WWOX: variants seen among roughly 807,000 people sequenced by gnomAD.
WWOX encodes the protein WW domain-containing oxidoreductase.
WWOX carries 69 observed loss-of-function variants against 46.2 expected under a neutral mutation model. That is an observed-to-expected ratio of 1.49 (90% CI 1.23 to 1.82). WWOX has a LOEUF of 1.82. WWOX is among the 40% of genes most tolerant of loss of function. The pLI is 0.00. For missense variants in WWOX, 919 were observed against 542.6 expected, an observed-to-expected ratio of 1.69 and a Z score of -6.89; for synonymous variants, 359 against 202.6, an observed-to-expected ratio of 1.77 and a Z score of -6.56.
At chr16:79,013,047 C>T (rs1367475573) in intron 8 of WWOX, among the ~76,000 whole-genome samples, 3 of 152,192 alleles carry the variant, frequency 2.0e-5, no homozygotes, top group South Asian at 2.1e-4. Flanking sequence ...TCAGCCTGAG[C>T]AACAGAGCAA....
intron 5 of WWOX, among the ~76,000 whole-genome samples, chr16:78,332,193 A>G (rs1310018096): frequency 6.6e-6 from 1 of 151,980 alleles, no homozygotes; most frequent in Admixed American, 6.6e-5. Context: ...CTTTTTTGCC[A>G]TCTCTTTTTC....
At chr16:78,362,376 A>G (rs2081429119) in intron 5 of WWOX, among the ~76,000 whole-genome samples, 1 of 152,176 alleles carries the variant, frequency 6.6e-6, no homozygotes, top group African/African-American at 2.4e-5. Context: ...TTGGAAGGCC[A>G]ATGCGGGTGG....
At chr16:78,733,159 C>T (rs888567292) in intron 8 of WWOX, among the ~76,000 whole-genome samples, 22 of 152,132 alleles carry the variant, frequency 1.4e-4, no homozygotes, top group African/African-American at 4.8e-4. Flanking sequence ...TGTTTTTATG[C>T]ACAGCTATTT....
At chr16:78,462,777 CTAGT>C (rs1376014744) in intron 8 of WWOX, among the ~76,000 whole-genome samples, 1 of 152,202 alleles carries the variant, frequency 6.6e-6, no homozygotes, top group Non-Finnish European at 1.5e-5. Context: ...GCCGCCTGGA[CTAGT>C]TACGCTTCCC....
intron 8 of WWOX, among the ~76,000 whole-genome samples, chr16:78,615,334 C>T (rs1422417618): frequency 6.6e-6 from 1 of 152,124 alleles, no homozygotes; most frequent in South Asian, 2.1e-4. Flanking sequence ...GACTCGGTAC[C>T]TGGTGTATAG....
intron 8 of WWOX, among the ~76,000 whole-genome samples, chr16:78,981,077 G>T (rs1398120256): frequency 6.6e-6 from 1 of 152,198 alleles, no homozygotes; most frequent in Admixed American, 6.5e-5. Context: ...ACCCCTGGGA[G>T]CCTCATTCGA....
At chr16:78,195,297 C>A (rs1349818334) in intron 5 of WWOX, among the ~76,000 whole-genome samples, 3 of 152,178 alleles carry the variant, frequency 2.0e-5, no homozygotes, top group Non-Finnish European at 2.9e-5. Context: ...ACAGATGCCT[C>A]CACCTGGCAG....
rs555832697 is a variant in WWOX at position 78,978,962 on chromosome 16, C to G, written c.1057-232646C>G. Among the ~76,000 whole-genome samples, 9 of 152,230 alleles carry G rather than the reference C, an allele frequency of 5.9e-5. No homozygotes were observed. In the South Asian group the frequency reaches 1.9e-3, roughly 32 times the overall value. On this transcript the variant is annotated intron_variant, in intron 8 of 8. Coordinates refer to ENST00000566780, the MANE Select transcript of WWOX (RefSeq NM_016373.4). ...TTTTGATGTCCCTCCCCACTTTACT[C>G]TCCCCTACACCTTGAAGCAGGTGCA...
At chr16:78,675,846 T>C (rs940098213) in intron 8 of WWOX, among the ~76,000 whole-genome samples, 11 of 152,034 alleles carry the variant, frequency 7.2e-5, no homozygotes. Flanking sequence ...TATATTTTTT[T>C]AAATCATGAC....
chr16:78,777,286 G>A (rs548813232), intron 8 of WWOX, among the ~76,000 whole-genome samples: 45 of 152,170 alleles, frequency 3.0e-4, no homozygotes, highest in African/African-American at 1.1e-3. Context: ...CCATCCAACA[G>A]GAATTTGTAC....
intron 6 of WWOX, among the ~76,000 whole-genome samples, chr16:78,401,672 T>A (rs2082416808): frequency 1.3e-5 from 2 of 152,148 alleles, no homozygotes; most frequent in Non-Finnish European, 1.5e-5. Flanking sequence ...TTTTTTTTAA[T>A]TGAGACATAA....
chr16:78,358,818 C>G (rs1228768225), intron 5 of WWOX, among the ~76,000 whole-genome samples: 2 of 144,918 alleles, frequency 1.4e-5, no homozygotes, highest in East Asian at 2.0e-4. Flanking sequence ...CTCTTTCTGA[C>G]TTTTTAAAAT....
In WWOX at chr16:79,086,381, G is replaced by C. The variant is rs560998928; in HGVS notation, c.1057-125227G>C. On this transcript the variant is annotated intron_variant, in intron 8 of 8. Coordinates refer to ENST00000566780, the MANE Select transcript of WWOX (RefSeq NM_016373.4). ...AAAGAAAATGCAAGCTTTGAGATGAGAAAGCGTGTCTTCTGGTATGTTTCT... is the reference window on the plus strand; with the variant it reads ...AAAGAAAATGCAAGCTTTGAGATGACAAAGCGTGTCTTCTGGTATGTTTCT... 2.0e-5 allele frequency among the ~76,000 whole-genome samples: 3 copies of C among 152,314 alleles called. No homozygotes were observed. The South Asian group carries it at 6.2e-4, about 32-fold the overall frequency.
Position 78,558,985 on chromosome 16 carries a change from T to C in WWOX, c.1056+126233T>C, listed in dbSNP as rs542551578. ...TGGCTATTCCAGGCTGTCAGCTCCCTGACTACAAGGACTTTGTTGCTCACA... is the reference window on the plus strand; with the variant it reads ...TGGCTATTCCAGGCTGTCAGCTCCCCGACTACAAGGACTTTGTTGCTCACA... On this transcript the variant is annotated intron_variant, in intron 8 of 8. Transcript: ENST00000566780. Among the ~76,000 whole-genome samples the C allele has an allele frequency of 2.0e-5, 3 of 152,344 alleles. No homozygotes were observed. The East Asian group carries it at 5.8e-4, about 29-fold the overall frequency.
intron 8 of WWOX, among the ~76,000 whole-genome samples, chr16:78,963,169 A>G (rs148472855): frequency 3.0e-3 from 462 of 152,230 alleles, no homozygotes; most frequent in Non-Finnish European, 5.4e-3. Context: ...ATCTTGATTC[A>G]TTTCAAAATA....
intron 8 of WWOX, among the ~76,000 whole-genome samples, chr16:78,583,731 A>G (rs2045121099): frequency 6.6e-6 from 1 of 152,194 alleles, no homozygotes; most frequent in African/African-American, 2.4e-5. Context: ...TTGGTAATCT[A>G]GAGGGTTTTG....
chr16:78,312,630 C>G (rs923072823), intron 5 of WWOX, among the ~76,000 whole-genome samples: 8 of 152,160 alleles, frequency 5.3e-5, no homozygotes, highest in African/African-American at 1.9e-4. Flanking sequence ...CTACCTTGGC[C>G]TCCCAAAGTG....
At position 78,350,995 on chromosome 16, in the gene WWOX, G is replaced by A. The variant is rs904865672; in HGVS notation, c.517-35865G>A. Among the ~76,000 whole-genome samples, 8 of 56,104 alleles carry A rather than the reference G, an allele frequency of 1.4e-4. 2 individuals are homozygous for A. In the South Asian group the frequency reaches 2.0e-3, roughly 14 times the overall value. The allele number at this position is 56,104 out of a possible 152,430, so 36.8% of individuals were successfully genotyped here. ...TTCTTTTTAGTCTTGTCATTTTATT[G>A]GGTATGAAGCGGTATTGCATTGTGA... On this transcript the variant is annotated intron_variant, in intron 5 of 8. Transcript: ENST00000566780.
chr16:78,987,414 C>T (rs1420150211), intron 8 of WWOX, among the ~76,000 whole-genome samples: 3 of 152,194 alleles, frequency 2.0e-5, no homozygotes, highest in Non-Finnish European at 2.9e-5. Context: ...TTTGTTCATG[C>T]TGGAGCTCCT....
Sources: allele counts gnomAD v4.1 joint callset (sites outside exome capture counted in the v4.1 genomes callset), GRCh38; gene constraint gnomAD v4.1.1; transcripts MANE v1.5; gene names NCBI Gene and HGNC (gene_info 2026-07-23, HGNC 2026-07-21).